The following ZBED3 variants were observed in gnomAD, a reference collection of about 807,000 sequenced individuals.
The protein encoded by ZBED3 is zinc finger BED-type containing 3.
For missense variants in ZBED3, 388 were observed against 362.9 expected (o/e 1.07, Z -0.56); for synonymous variants, 175 against 180.0 (o/e 0.97, Z 0.22).
At position 77,077,066 on chromosome 5, in the gene ZBED3, T is replaced by C. The variant is rs1393152490; in HGVS notation, c.*108A>G. ...CAGTTAGCTGGAGCTTCCGAGTGAG[T>C]AGCGGCTGCGGGCCTGGCTTCGGTT... On this transcript the variant is annotated 3_prime_UTR_variant, in exon 3 of 3. Transcript: ENST00000255198. 4 of 800,634 alleles carry C rather than the reference T, an allele frequency of 5.0e-6. No homozygotes were observed. The highest frequency in any genetic ancestry group is 5.1e-6 in the Non-Finnish European group (3 of 587,338). The allele number at this position is 800,634 out of a possible 1,614,324, so 49.6% of individuals were successfully genotyped here. A position where few individuals can be genotyped will look rare whatever the true frequency, so the allele number is the denominator to read the frequency against.
Position 77,077,131 on chromosome 5 carries a change from G to A in ZBED3, c.*43C>T. ...AGCGGGGTCTGAAGGCATTGGCATT[G>A]GACGGAGAAGCGCTGTCCTGGGGTG... On this transcript the variant is annotated 3_prime_UTR_variant, in exon 3 of 3. Transcript: ENST00000255198. 1 of 1,325,392 alleles carries A rather than the reference G, an allele frequency of 7.5e-7. No individual in the cohort carries two copies. The highest frequency in any genetic ancestry group is 9.7e-7 in the Non-Finnish European group (1 of 1,033,822). The allele number at this position is 1,325,392 out of a possible 1,614,324, so 82.1% of individuals were successfully genotyped here. A position where few individuals can be genotyped will look rare whatever the true frequency, so the allele number is the denominator to read the frequency against.
At chr5:77,085,792 G>A (rs1318498985) in intron 1 of ZBED3, among the ~76,000 whole-genome samples, 4 of 152,194 alleles carry the variant, frequency 2.6e-5, no homozygotes, top group Non-Finnish European at 5.9e-5. Flanking sequence ...AGAAAAATTA[G>A]TCTGGAATCA....
chr5:77,083,327 G>A (rs557479443), intron 1 of ZBED3, among the ~76,000 whole-genome samples: 1 of 152,282 alleles, frequency 6.6e-6, no homozygotes, highest in African/African-American at 2.4e-5. Flanking sequence ...GGTTTGCTGT[G>A]CTCTGCAGAA....
intron 1 of ZBED3, among the ~76,000 whole-genome samples, chr5:77,081,914 G>C (rs1348727891): frequency 6.6e-6 from 1 of 152,170 alleles, no homozygotes; most frequent in African/African-American, 2.4e-5. Flanking sequence ...GGTGGGGAAA[G>C]AGATGCTTCC....
chr5:77,078,805 T>A (rs2150741093), intron 1 of ZBED3, 77 bp from the exon 2 acceptor site: 1 of 152,304 alleles, frequency 6.6e-6, no homozygotes, highest in East Asian at 1.9e-4. Flanking sequence ...ATACTAGAAA[T>A]ACTGAGCAGC....
chr5:77,084,461 T>C (rs774861286), intron 1 of ZBED3, among the ~76,000 whole-genome samples: 1 of 152,194 alleles, frequency 6.6e-6, no homozygotes, highest in Non-Finnish European at 1.5e-5. Context: ...GAAGTGCCTT[T>C]CGCCTTCCGC....
At position 77,077,344 on chromosome 5, in the gene ZBED3, C is replaced by A. The variant is rs1743033706; in HGVS notation, c.535G>T (p.Ala179Ser). The change falls in exon 3 of 3, where the codon GCC (alanine) becomes TCC (serine). Residue 179 changes from alanine (A) to serine (S), a missense_variant. By Grantham distance (99) the Ala-to-Ser change is moderately conservative (BLOSUM62 1). Coordinates refer to ENST00000255198, the MANE Select transcript of ZBED3 (RefSeq NM_032367.4). ...RALQEEERAA[A>S]QARRELQAER... ...GCCTGCAGTTCCCGGCGCGCCTGGG[C>A]CGCGGCGCGCTCTTCCTCCTGCAGC... 1 of 1,255,606 alleles carries A rather than the reference C, an allele frequency of 8.0e-7. No homozygotes were observed. Among genetic ancestry groups the A allele is most frequent in the Non-Finnish European group, 9.9e-7 (1 of 1,005,540 alleles). 77.8% of individuals were successfully genotyped at this position (1,255,606 alleles called of 1,614,324 possible).
At chr5:77,085,080 A>G (rs1369436473) in intron 1 of ZBED3, among the ~76,000 whole-genome samples, 3 of 152,240 alleles carry the variant, frequency 2.0e-5, no homozygotes, top group Non-Finnish European at 2.9e-5. Flanking sequence ...ATTTGGAAGG[A>G]GTTCTTAAAT....
chr5:77,076,690 CTTTT>C lies in ZBED3; in HGVS notation c.*480_*483del, dbSNP rs35247540. The C allele has an allele frequency of 7.0e-5, 10 of 143,656 alleles. 1 individual carries two copies. Among genetic ancestry groups the C allele is most frequent in the Admixed American group, 1.4e-4 (2 of 14,590 alleles). 8.9% of individuals were successfully genotyped at this position (143,656 alleles called of 1,614,324 possible). On this transcript the variant is annotated 3_prime_UTR_variant, in exon 3 of 3. Coordinates refer to ENST00000255198, the MANE Select transcript of ZBED3 (RefSeq NM_032367.4). ...TTGGGCAGATTATGCATTAGGAACT[CTTTT>C]TTTTTTTTTTTTGGGTAAAAAGCTT... is the stretch of plus-strand genomic sequence containing the variant.
intron 1 of ZBED3, among the ~76,000 whole-genome samples, chr5:77,083,842 GTTAT>G (rs1467486235): frequency 3.9e-5 from 6 of 152,082 alleles, no homozygotes; most frequent in African/African-American, 1.4e-4. Flanking sequence ...TGCAAAATAG[GTTAT>G]TTATCACTAG....
At chr5:77,082,613 G>A (rs986421376) in intron 1 of ZBED3, among the ~76,000 whole-genome samples, 2 of 152,152 alleles carry the variant, frequency 1.3e-5, no homozygotes, top group African/African-American at 4.8e-5. Context: ...CTATTATTAA[G>A]TAATATACAT....
In ZBED3 at chr5:77,075,984, T is replaced by TAC. The variant is rs1742980513; in HGVS notation, c.*1189_*1190insGT. On this transcript the variant is annotated 3_prime_UTR_variant, in exon 3 of 3. Transcript: ENST00000255198. ...ATATATATGTATATGTATATATGTA[T>TAC]ATATATATGTATATATGTATATATA... 3 of 35,620 alleles carry TAC rather than the reference T, an allele frequency of 8.4e-5. 1 individual carries two copies. Among genetic ancestry groups the TAC allele is most frequent in the Admixed American group, 6.8e-4 (2 of 2,950 alleles). The allele number at this position is 35,620 out of a possible 1,614,324, so 2.2% of individuals were successfully genotyped here.
rs902850407 is a variant in ZBED3 at position 77,075,605 on chromosome 5, TAAC to T, written c.*1566_*1568del. On this transcript the variant is annotated 3_prime_UTR_variant, in exon 3 of 3. Transcript: ENST00000255198. ...GAGAATAGTAAATCTGGCAAAATGT[TAAC>T]AACTATTCAATCCAAGTGGAGAGTA... The T allele has an allele frequency of 1.3e-5, 2 of 152,046 alleles. No individual in the cohort carries two copies. The highest frequency in any genetic ancestry group is 2.9e-5 in the Non-Finnish European group (2 of 68,024). 9.4% of individuals were successfully genotyped at this position (152,046 alleles called of 1,614,324 possible).
chr5:77,081,338 CTTTT>C lies in ZBED3; in HGVS notation c.-152-2614_-152-2611del, dbSNP rs5868851. Among the ~76,000 whole-genome samples the C allele has an allele frequency of 2.8e-5, 4 of 143,368 alleles. No homozygotes were observed. In the South Asian group the frequency reaches 8.9e-4, roughly 32 times the overall value. 94.1% of individuals were successfully genotyped at this position (143,368 alleles called of 152,430 possible). ...TTCTGGCCATTTCTTTTCTTTCTTT[CTTTT>C]TTTTTTTTTTTTAATTTTTTTTAAG... On this transcript the variant is annotated intron_variant, in intron 1 of 2. Coordinates refer to ENST00000255198, the MANE Select transcript of ZBED3 (RefSeq NM_032367.4).
At chr5:77,080,660 C>T in intron 1 of ZBED3, 1 of 510,230 alleles carries the variant, frequency 2.0e-6, no homozygotes, top group Non-Finnish European at 3.9e-6. Flanking sequence ...GCCGTAACAG[C>T]CTGGTTAGCT....
intron 1 of ZBED3, among the ~76,000 whole-genome samples, chr5:77,085,354 A>T (rs1743216285): frequency 6.6e-6 from 1 of 152,240 alleles, no homozygotes; most frequent in African/African-American, 2.4e-5. Flanking sequence ...GTATTATTTT[A>T]TACTTATGCT....
At position 77,074,638 on chromosome 5, in the gene ZBED3, A is replaced by G; in HGVS notation, c.*2536T>C. 6.6e-6 allele frequency: 1 copy of G among 152,140 alleles called. No homozygotes were observed. The highest frequency in any genetic ancestry group is 1.9e-4 in the East Asian group (1 of 5,194). The allele number at this position is 152,140 out of a possible 1,614,324, so 9.4% of individuals were successfully genotyped here. The stretch of plus-strand genomic sequence containing the variant: ...ACATGGGGAATGCTCAGTAAATATT[A>G]ATGTCACTAATTCCAGTCAATTCCA... On this transcript the variant is annotated 3_prime_UTR_variant, in exon 3 of 3. Transcript: ENST00000255198.
Position 77,077,604 on chromosome 5 carries a change from T to A in ZBED3, c.275A>T (p.His92Leu). 7.1e-7 allele frequency: 1 copy of A among 1,399,972 alleles called. No homozygotes were observed. The highest frequency in any genetic ancestry group is 9.3e-7 in the Non-Finnish European group (1 of 1,075,684). 86.7% of individuals were successfully genotyped at this position (1,399,972 alleles called of 1,614,324 possible). A position where few individuals can be genotyped will look rare whatever the true frequency, so the allele number is the denominator to read the frequency against. Residue 92 changes from histidine to leucine, a missense_variant, in exon 3 of 3, where the codon CAC becomes CTC. Physicochemically the swap from His to Leu is moderately conservative, Grantham distance 99 (BLOSUM62 -3). Transcript: ENST00000255198. ...CTCCCGCCGGTGCGCGCTCCTCAGG[T>A]GCCTCCACAACGCCGAGGTCCCCGC... ...FHAGTSALWR[H>L]LRSAHRRELE...
chr5:77,077,768 A>AGGCGTCGGCGTC lies in ZBED3; in HGVS notation c.99_110dup (p.Thr34_Pro37dup), dbSNP rs543481899. ...AGTATGGCGCCCCCAGGCGGCCGGGAGGCGTCGGCGTCGGCGCCGGCCCCA... is the reference window on the plus strand; with the variant it reads ...AGTATGGCGCCCCCAGGCGGCCGGGAGGCGTCGGCGTCGGCGTCGGCGTCGGCGCCGGCCCCA... On this transcript the variant is annotated inframe_insertion, in exon 3 of 3. Transcript: ENST00000255198. 2.3e-6 allele frequency: 3 copies of AGGCGTCGGCGTC among 1,315,464 alleles called. No individual in the cohort carries two copies. The highest frequency in any genetic ancestry group is 3.1e-5 in the African/African-American group (2 of 64,168). The allele number at this position is 1,315,464 out of a possible 1,614,324, so 81.5% of individuals were successfully genotyped here.
Sources: allele counts gnomAD v4.1 joint callset (sites outside exome capture counted in the v4.1 genomes callset), GRCh38; gene constraint gnomAD v4.1.1; transcripts MANE v1.5; gene names NCBI Gene and HGNC (gene_info 2026-07-23, HGNC 2026-07-21).